SLMAP: variants seen among roughly 807,000 people sequenced by gnomAD.
SLMAP encodes sarcolemma associated protein, also known as sarcolemmal membrane-associated protein.
A neutral mutation model predicts 128.8 loss-of-function variants in SLMAP; 44 were observed. The ratio of observed to expected loss-of-function variants is 0.34; its 90% CI spans 0.27 to 0.44. SLMAP has a LOEUF of 0.44. Ranked by LOEUF, SLMAP falls within the 20% of genes least tolerant of loss-of-function variation. SLMAP has a pLI of 1.00. For missense variants in SLMAP, 787 were observed against 985.3 expected (o/e 0.80, Z 2.69); for synonymous variants, 327 against 348.8 (o/e 0.94, Z 0.70).
chr3:57,865,870 G>A (rs546626309), intron 13 of SLMAP, among the ~76,000 whole-genome samples: 2 of 152,124 alleles, frequency 1.3e-5, no homozygotes, highest in South Asian at 4.2e-4. Context: ...CACTACACGG[G>A]GTACTTTTTA....
chr3:57,857,516 T>C (rs1381103058), intron 6 of SLMAP, among the ~76,000 whole-genome samples: 2 of 152,228 alleles, frequency 1.3e-5, no homozygotes, highest in Non-Finnish European at 2.9e-5. Context: ...TCTCTCAAAA[T>C]ATCTTGTACT....
chr3:57,859,664 G>A (rs189189578), intron 8 of SLMAP, among the ~76,000 whole-genome samples: 21 of 152,274 alleles, frequency 1.4e-4, no homozygotes, highest in Admixed American at 1.1e-3. Context: ...CTATAGGTAT[G>A]TAAAGGCATA....
At chr3:57,787,761 G>A (rs1392445900) in intron 2 of SLMAP, among the ~76,000 whole-genome samples, 1 of 152,220 alleles carries the variant, frequency 6.6e-6, no homozygotes, top group Non-Finnish European at 1.5e-5. Context: ...ACAGGCGTGA[G>A]CCACCATGCC....
intron 3 of SLMAP, among the ~76,000 whole-genome samples, chr3:57,838,699 G>A (rs1489487191): frequency 6.6e-6 from 1 of 152,196 alleles, no homozygotes; most frequent in Non-Finnish European, 1.5e-5. Flanking sequence ...TCTGAGCCTG[G>A]AGACTAAGTA....
intron 5 of SLMAP, 141 bp from the exon 6 acceptor site, chr3:57,849,613 A>G (rs1219100570): frequency 5.3e-6 from 3 of 568,716 alleles, no homozygotes; most frequent in African/African-American, 1.9e-5. Flanking sequence ...TTAAAAGGCT[A>G]TATTGCCTTT....
In SLMAP at chr3:57,865,083, G is replaced by A. The variant is rs868728777; in HGVS notation, c.1187-159G>A. ...TTTCTGCTCTGAGATCTTCTACCTCGGGATATTTAAATAAGAAAAGTACAT... is the reference window on the plus strand; with the variant it reads ...TTTCTGCTCTGAGATCTTCTACCTCAGGATATTTAAATAAGAAAAGTACAT... On this transcript the variant is annotated intron_variant, in intron 12 of 24. Coordinates refer to ENST00000671191, the MANE Select transcript of SLMAP (RefSeq NM_001377540.1). Among the ~76,000 whole-genome samples, 6 of 152,028 alleles carry A rather than the reference G, an allele frequency of 3.9e-5. No individual in the cohort carries two copies. In the Middle Eastern group the frequency reaches 0.01, roughly 259 times the overall value.
rs146669976 is a variant in SLMAP at position 57,826,283 on chromosome 3, A to T, written c.199-5100A>T. On this transcript the variant is annotated intron_variant, in intron 2 of 24. Coordinates refer to ENST00000671191, the MANE Select transcript of SLMAP (RefSeq NM_001377540.1). ...GTCTTTTAGCTTGTTTTGAAATAGA[A>T]GTTTACAGTTTTGATCTCTTCCCAA... 6.6e-5 allele frequency among the ~76,000 whole-genome samples: 10 copies of T among 152,208 alleles called. No individual in the cohort carries two copies. The East Asian group carries it at 1.9e-3, about 29-fold the overall frequency.
chr3:57,911,790 T>C (rs2096705503), intron 19 of SLMAP, among the ~76,000 whole-genome samples: 1 of 152,098 alleles, frequency 6.6e-6, no homozygotes, highest in Non-Finnish European at 1.5e-5. Context: ...TGAGCTGTTT[T>C]TCACATGAGT....
At chr3:57,924,391 G>A (rs534770870) in intron 23 of SLMAP, among the ~76,000 whole-genome samples, 6 of 150,248 alleles carry the variant, frequency 4.0e-5, no homozygotes, top group South Asian at 2.1e-4. Flanking sequence ...TTTTTGAGAC[G>A]GAGTTTTGCT....
At position 57,841,386 on chromosome 3, in the gene SLMAP, G is replaced by A. The variant is rs2093926385; in HGVS notation, c.419+15G>A. On this transcript the variant is annotated intron_variant, in intron 4 of 24. Coordinates refer to ENST00000671191, the MANE Select transcript of SLMAP (RefSeq NM_001377540.1). The stretch of plus-strand genomic sequence containing the variant: ...CTCCGCTCAGAGTGAGTATAATTTA[G>A]TACTGTGAAGTTTTTGTGAAGTTTA... 3 of 1,531,510 alleles carry A rather than the reference G, an allele frequency of 2.0e-6. No individual in the cohort carries two copies. Among genetic ancestry groups the A allele is most frequent in the South Asian group, 1.2e-5 (1 of 85,100 alleles). The allele number at this position is 1,531,510 out of a possible 1,614,324, so 94.9% of individuals were successfully genotyped here.
chr3:57,871,775 A>T, intron 14 of SLMAP, 77 bp downstream of exon 14: 1 of 1,088,766 alleles, frequency 9.2e-7, no homozygotes, highest in Non-Finnish European at 1.4e-6. Flanking sequence ...TAAAATGAGG[A>T]TCTCAATGTG....
chr3:57,896,709 T>C, intron 16 of SLMAP, 118 bp downstream of exon 16: 1 of 1,268,974 alleles, frequency 7.9e-7, no homozygotes, highest in East Asian at 2.4e-5. Flanking sequence ...CGCTTCCATT[T>C]ATCAAGTCAT....
In SLMAP at chr3:57,916,949, C is replaced by T. The variant is rs2153698213; in HGVS notation, c.2182C>T (p.Leu728Phe). 6.2e-7 allele frequency: 1 copy of T among 1,613,862 alleles called. No homozygotes were observed. The highest frequency in any genetic ancestry group is 8.5e-7 in the Non-Finnish European group (1 of 1,179,874). ...AGAGCTTACCAGTGATCTCAGCATC[C>T]TTCAAATGTCTAGGAAAGAACTTGA... The part of the protein sequence containing the change: ...SLELTSDLSI[L>F]QMSRKELENQ... The change falls in exon 22 of 25, where the codon CTT (leucine) becomes TTT (phenylalanine). Residue 728 changes from leucine (L) to phenylalanine (F), a missense_variant. Physicochemically the swap from Leu to Phe is conservative, Grantham distance 22 (BLOSUM62 0). Transcript: ENST00000671191.
chr3:57,855,871 C>T (rs1158253307), intron 6 of SLMAP, among the ~76,000 whole-genome samples: 1 of 151,834 alleles, frequency 6.6e-6, no homozygotes, highest in Non-Finnish European at 1.5e-5. Flanking sequence ...TGGTAAAACG[C>T]CGTCTCTACT....
intron 2 of SLMAP, among the ~76,000 whole-genome samples, chr3:57,766,004 T>C (rs954006130): frequency 6.7e-5 from 10 of 149,576 alleles, no homozygotes; most frequent in African/African-American, 2.0e-4. Flanking sequence ...TTCTTTCTTT[T>C]TTTTTTTTTT....
Position 57,849,758 on chromosome 3 carries a change from C to G in SLMAP, c.461C>G (p.Ala154Gly). Residue 154 changes from alanine (A) to glycine (G), a missense_variant, in exon 6 of 25, where the codon GCT (alanine) becomes GGT (glycine). Ala to Gly is a moderately conservative substitution (Grantham distance 60). Coordinates refer to ENST00000671191, the MANE Select transcript of SLMAP (RefSeq NM_001377540.1). ...TACTGTGTCATTTGTTTCTAGGTTG[C>G]TGCTAACACTCCAAGTATGTACTCT... is the stretch of plus-strand genomic sequence containing the variant. ...APLPSPVDKV[A>G]ANTPSMYSQE... is the part of the protein sequence containing the mutation. The G allele has an allele frequency of 6.4e-7, 1 of 1,556,818 alleles. No homozygotes were observed.
chr3:57,882,058 T>C (rs978555168), intron 14 of SLMAP, among the ~76,000 whole-genome samples: 6 of 152,194 alleles, frequency 3.9e-5, no homozygotes, highest in African/African-American at 1.2e-4. Context: ...TTAGTACTTA[T>C]AAACCAGTAC....
At chr3:57,922,060 C>A (rs2096929393) in intron 22 of SLMAP, among the ~76,000 whole-genome samples, 4 of 152,212 alleles carry the variant, frequency 2.6e-5, no homozygotes, top group Admixed American at 2.6e-4. Flanking sequence ...GTCGGTACTT[C>A]AGATACATTT....
chr3:57,757,340 G>A lies in SLMAP; in HGVS notation c.-312G>A. 1 of 437,756 alleles carries A rather than the reference G, an allele frequency of 2.3e-6. No individual in the cohort carries two copies. Among genetic ancestry groups the A allele is most frequent in the Non-Finnish European group, 4.2e-6 (1 of 236,284 alleles). The allele number at this position is 437,756 out of a possible 1,614,324, so 27.1% of individuals were successfully genotyped here. A position where few individuals can be genotyped will look rare whatever the true frequency, so the allele number is the denominator to read the frequency against. On this transcript the variant is annotated 5_prime_UTR_variant, in exon 2 of 25. Coordinates refer to ENST00000671191, the MANE Select transcript of SLMAP (RefSeq NM_001377540.1). ...CCAGTCCCCAAACTGTGTTCCAGGA[G>A]TTTTCTTGGCCGAAGCTGCCCGATG...
Sources: allele counts gnomAD v4.1 joint callset (sites outside exome capture counted in the v4.1 genomes callset), GRCh38; gene constraint gnomAD v4.1.1; transcripts MANE v1.5; gene names NCBI Gene and HGNC (gene_info 2026-07-23, HGNC 2026-07-21).